Variants in UBA7 observed in about 807,000 individuals in gnomAD.
UBA7 encodes ubiquitin-like modifier-activating enzyme 7.
In UBA7, 88 loss-of-function variants were observed where a neutral mutation model predicts 113.0. The ratio of observed to expected loss-of-function variants is 0.78; its 90% CI spans 0.66 to 0.93. UBA7 has a LOEUF of 0.93. Ranked by LOEUF, UBA7 falls within the 40% of genes least tolerant of loss-of-function variation. The probability of loss-of-function intolerance (pLI) is 0.00; values close to 1 mark genes in which losing one functional copy is unlikely to be tolerated. For missense variants in UBA7, 1,092 were observed against 1,266.4 expected (o/e 0.86, Z 2.09); for synonymous variants, 459 against 513.0 (o/e 0.89, Z 1.42).
intron 18 of UBA7, 108 bp from the exon 19 acceptor site, chr3:49,808,576 C>T: frequency 8.4e-7 from 1 of 1,189,294 alleles, no homozygotes; most frequent in South Asian, 1.5e-5. Context: ...CTTACTATTC[C>T]CTGATCAAAT....
At chr3:49,806,791 T>G (rs1274949328) in intron 21 of UBA7, among the ~76,000 whole-genome samples, 1 of 151,802 alleles carries the variant, frequency 6.6e-6, no homozygotes, top group Non-Finnish European at 1.5e-5. Context: ...GAAAACACAC[T>G]GGGGTCAAGC....
chr3:49,813,310 C>G lies in UBA7; in HGVS notation c.299G>C (p.Arg100Thr). 1.2e-6 allele frequency: 2 copies of G among 1,614,206 alleles called. No homozygotes were observed. Among genetic ancestry groups the G allele is most frequent in the Non-Finnish European group, 1.7e-6 (2 of 1,180,036 alleles). The change falls in exon 3 of 24, where the codon AGA (arginine) becomes ACA (threonine). Residue 100 changes from arginine to threonine, a missense_variant. Coordinates refer to ENST00000333486, the MANE Select transcript of UBA7 (RefSeq NM_003335.3). Reference protein sequence around the residue: ...ASQELLAQLNRAVQVVVHTGD... With the variant: ...ASQELLAQLNTAVQVVVHTGD... ...CGTGTGCACGACGACCTGGACAGCTCTGTTGAGCTGAGCCAAGAGCTCTTG... is the reference window on the plus strand; with the variant it reads ...CGTGTGCACGACGACCTGGACAGCTGTGTTGAGCTGAGCCAAGAGCTCTTG...
At position 49,807,773 on chromosome 3, in the gene UBA7, AG is replaced by A. The variant is rs1305108994; in HGVS notation, c.2677del (p.Leu893SerfsTer17). The A allele has an allele frequency of 6.2e-7, 1 of 1,613,434 alleles. No individual in the cohort carries two copies. Among genetic ancestry groups the A allele is most frequent in the Middle Eastern group, 1.6e-4 (1 of 6,062 alleles). On this transcript the variant is annotated frameshift_variant, in exon 21 of 24. Transcript: ENST00000333486. LOFTEE classifies it high-confidence loss of function. The surrounding 1 kb of genome is among the most constrained non-coding windows in gnomAD (Gnocchi z 4.0). ...HSYLHLAENYLIRYMPFAPAI... is the reference protein window; with the variant it reads ...HSYLHLAENYXIRYMPFAPAI... ...TGGGGCAAAAGGCATATAGCGGATG[AG>A]GTAGTTTTCAGCCAGATGTAGGTAG...
At chr3:49,805,584 A>G (rs1232602630) in intron 23 of UBA7, 147 bp from the exon 24 acceptor site, 1 of 766,872 alleles carries the variant, frequency 1.3e-6, no homozygotes, top group Non-Finnish European at 2.1e-6. Flanking sequence ...ATCTGAAACT[A>G]TTTTAGGAGC....
Position 49,807,896 on chromosome 3 carries a change from G to A in UBA7, c.2555C>T (p.Ala852Val), listed in dbSNP as rs1343478614. ...CACAGCTGCTGTAGTGGTGGCAATG[G>A]CTGGGATAATCTGGCCCACAATTCG... ...SKRIVGQIIPAIATTTAAVAG... is the reference protein window; with the variant it reads ...SKRIVGQIIPVIATTTAAVAG... The change falls in exon 21 of 24, where the codon GCC becomes GTC. Residue 852 changes from alanine (A) to valine (V), a missense_variant. Physicochemically the swap from Ala to Val is moderately conservative, Grantham distance 64 (BLOSUM62 0). Coordinates refer to ENST00000333486, the MANE Select transcript of UBA7 (RefSeq NM_003335.3). The surrounding 1 kb of genome is among the most constrained non-coding windows in gnomAD (Gnocchi z 4.0). The A allele has an allele frequency of 6.2e-7, 1 of 1,612,802 alleles. No individual in the cohort carries two copies. Among genetic ancestry groups the A allele is most frequent in the East Asian group, 2.2e-5 (1 of 44,834 alleles).
chr3:49,813,203 A>G (rs1319216193), intron 3 of UBA7, 35 bp from the exon 4 acceptor site: 10 of 1,613,408 alleles, frequency 6.2e-6, no homozygotes, highest in African/African-American at 4.0e-5. Context: ...GGCCAAAACC[A>G]TTGCCCAGCC....
Position 49,810,441 on chromosome 3 carries a change from C to T in UBA7, c.1468-13G>A. 1 of 1,613,930 alleles carries T rather than the reference C, an allele frequency of 6.2e-7. No individual in the cohort carries two copies. Among genetic ancestry groups the T allele is most frequent in the Non-Finnish European group, 8.5e-7 (1 of 1,179,920 alleles). On this transcript the variant is annotated splice_polypyrimidine_tract_variant and intron_variant, in intron 12 of 23. Coordinates refer to ENST00000333486, the MANE Select transcript of UBA7 (RefSeq NM_003335.3). This position sits in a 1 kb window ranked among gnomAD's most constrained non-coding sequence, Gnocchi z 5.6. ...CTGCCTTGGGTCTCTGGGAAGAAGG[C>T]AGGAAGATGTTGGGTGGGAAGCTGT...
Position 49,813,596 on chromosome 3 carries a change from C to G in UBA7, c.108G>C (p.Leu36=). 1 of 1,614,196 alleles carries G rather than the reference C, an allele frequency of 6.2e-7. No homozygotes were observed. Among genetic ancestry groups the G allele is most frequent in the South Asian group, 1.1e-5 (1 of 91,088 alleles). Residue 36 remains leucine, a synonymous_variant, in exon 2 of 24, where the codon CTG becomes CTC. Coordinates refer to ENST00000333486, the MANE Select transcript of UBA7 (RefSeq NM_003335.3). ...CCCCCAGGCCCTGCAGGCCTGACAC[C>G]AGGACCCTGGCTCCCTGAATCCTCT... is the stretch of plus-strand genomic sequence containing the variant. ...AMQRIQGARV[L]VSGLQGLGAE...
rs774994589 is a variant in UBA7, at chr3:49,808,418, C to T, written c.2398G>A (p.Gly800Ser). The T allele has an allele frequency of 5.0e-6, 8 of 1,614,178 alleles. No individual in the cohort carries two copies. Among genetic ancestry groups the T allele is most frequent in the Non-Finnish European group, 5.1e-6 (6 of 1,180,020 alleles). ...LNKALEVWSV[G>S]PPLKPLMFEK... ...AACATCAGAGGCTTCAGGGGAGGGC[C>T]CACACTCCAGACTTCCAGGGCTTTG... Residue 800 changes from glycine (G) to serine (S), a missense_variant, in exon 19 of 24, where the codon GGC becomes AGC. By Grantham distance (56) the Gly-to-Ser change is moderately conservative. Transcript: ENST00000333486.
At position 49,811,959 on chromosome 3, in the gene UBA7, C is replaced by A. The variant is rs768714960; in HGVS notation, c.850G>T (p.Val284Phe). 7 of 1,614,214 alleles carry A rather than the reference C, an allele frequency of 4.3e-6. No individual in the cohort carries two copies. The highest frequency in any genetic ancestry group is 5.1e-6 in the Non-Finnish European group (6 of 1,180,040). ...PHVVAQSSQEVHHAHCLHQAF... is the reference protein window; with the variant it reads ...PHVVAQSSQEFHHAHCLHQAF... ...TGATGCAGGCAGTGGGCATGGTGAA[C>A]TTCCTGGGAGCTCTGGGCCACCACA... Residue 284 changes from valine (V) to phenylalanine (F), a missense_variant, in exon 8 of 24, where the codon GTT (valine) becomes TTT (phenylalanine). Physicochemically the swap from Val to Phe is conservative, Grantham distance 50. Coordinates refer to ENST00000333486, the MANE Select transcript of UBA7 (RefSeq NM_003335.3).
chr3:49,809,693 G>A lies in UBA7; in HGVS notation c.1937C>T (p.Pro646Leu), dbSNP rs2108300398. ...AHTSLADMDE[P>L]QTLTLLKPVL... is the part of the protein sequence containing the mutation. ...TGGCTTCAGTAAGGTGAGTGTCTGT[G>A]GCTCATCCATGTCTGCCAGGGAAGT... Residue 646 changes from proline (P) to leucine (L), a missense_variant, in exon 16 of 24, where the codon CCA becomes CTA. By Grantham distance (98) the Pro-to-Leu change is moderately conservative. This residue lies in a region of UBA7 where 500 missense variants were observed against 529.3 expected (regional missense o/e 0.94). Coordinates refer to ENST00000333486, the MANE Select transcript of UBA7 (RefSeq NM_003335.3). 6.2e-7 allele frequency: 1 copy of A among 1,614,106 alleles called. No homozygotes were observed. The highest frequency in any genetic ancestry group is 1.3e-5 in the African/African-American group (1 of 75,052).
At chr3:49,812,981 T>C in intron 4 of UBA7, 81 bp downstream of exon 4, 1 of 1,508,588 alleles carries the variant, frequency 6.6e-7, no homozygotes, top group Non-Finnish European at 9.0e-7. Context: ...GGAGGGGCAC[T>C]GGAGCAAGCC....
Position 49,812,492 on chromosome 3 carries a change from G to A in UBA7, c.610C>T (p.Arg204Cys), listed in dbSNP as rs772727259. Residue 204 changes from arginine to cysteine, a missense_variant, in exon 6 of 24, where the codon CGT becomes TGT. Physicochemically the swap from Arg to Cys is radical, Grantham distance 180. Transcript: ENST00000333486. ...GAGAAAGTCACCAAGTCTCCATCAC[G>A]GAAGTAGTGGGTATTGGCCCCTTTC... ...LRKGANTHYF[R>C]DGDLVTFSGI... 2.1e-5 allele frequency: 34 copies of A among 1,614,082 alleles called. No individual in the cohort carries two copies. The highest frequency in any genetic ancestry group is 3.3e-5 in the Admixed American group (2 of 60,004).
intron 7 of UBA7, 22 bp from the exon 8 acceptor site, chr3:49,812,038 G>A: frequency 3.1e-6 from 5 of 1,614,178 alleles, no homozygotes; most frequent in Non-Finnish European, 4.2e-6. Flanking sequence ...CCTGGCTCAG[G>A]GTCTAGTCCA....
rs900938881 is a variant in UBA7 at position 49,810,616 on chromosome 3, C to G, written c.1368G>C (p.Leu456=). 1.9e-6 allele frequency: 3 copies of G among 1,614,048 alleles called. No homozygotes were observed. Among genetic ancestry groups the G allele is most frequent in the Non-Finnish European group, 2.5e-6 (3 of 1,180,024 alleles). The change falls in exon 12 of 24, where the codon CTG becomes CTC. Residue 456 remains leucine (L), a synonymous_variant. Transcript: ENST00000333486. This position sits in a 1 kb window ranked among gnomAD's most constrained non-coding sequence, Gnocchi z 5.6. ...ELLKVFALVG[L]GAGNSGGLTV... Reference sequence around the variant, plus strand: ...TCAAGCCCCCGCTGTTCCCGGCCCCCAGTCCCACTAGGGCAAAGACTTTGA... The same window carrying G: ...TCAAGCCCCCGCTGTTCCCGGCCCCGAGTCCCACTAGGGCAAAGACTTTGA...
intron 8 of UBA7, 124 bp downstream of exon 8, chr3:49,811,746 T>C: frequency 1.3e-6 from 2 of 1,498,458 alleles, no homozygotes; most frequent in African/African-American, 2.8e-5. Context: ...GGAACCAGTC[T>C]CTACTCTAAA....
At position 49,811,851 on chromosome 3, in the gene UBA7, G is replaced by A. The variant is rs747180559; in HGVS notation, c.939+19C>T. 3.7e-6 allele frequency: 6 copies of A among 1,611,130 alleles called. No individual in the cohort carries two copies. The East Asian group carries it at 1.1e-4, about 30-fold the overall frequency. On this transcript the variant is annotated intron_variant, in intron 8 of 23. Coordinates refer to ENST00000333486, the MANE Select transcript of UBA7 (RefSeq NM_003335.3). ...AATAAATGACAGAGGCTGGGGGTGG[G>A]AGCAACAGGACTACTCACAGGATCC...
chr3:49,810,004 G>A lies in UBA7; in HGVS notation c.1813C>T (p.Pro605Ser). 2 of 1,613,832 alleles carry A rather than the reference G, an allele frequency of 1.2e-6. No homozygotes were observed. The highest frequency in any genetic ancestry group is 1.7e-6 in the Non-Finnish European group (2 of 1,179,924). Residue 605 changes from proline (P) to serine (S), a missense_variant, in exon 14 of 24, where the codon CCT becomes TCT. Transcript: ENST00000333486. The surrounding 1 kb of genome is among the most constrained non-coding windows in gnomAD (Gnocchi z 5.6). The stretch of plus-strand genomic sequence containing the variant: ...TGCAGGGTGTGCTCGGCTGTGCTAG[G>A]GAAGTACCGCACGGTACAGACAGGG... ...PYPVCTVRYFPSTAEHTLQWA... is the reference protein window; with the variant it reads ...PYPVCTVRYFSSTAEHTLQWA...
chr3:49,810,839 G>A lies in UBA7; in HGVS notation c.1231-7C>T. The A allele has an allele frequency of 6.2e-7, 1 of 1,614,128 alleles. No individual in the cohort carries two copies. The highest frequency in any genetic ancestry group is 1.7e-5 in the Admixed American group (1 of 60,014). On this transcript the variant is annotated splice_region_variant and splice_polypyrimidine_tract_variant and intron_variant, in intron 10 of 23. Coordinates refer to ENST00000333486, the MANE Select transcript of UBA7 (RefSeq NM_003335.3). The surrounding 1 kb of genome is among the most constrained non-coding windows in gnomAD (Gnocchi z 5.6). ...CATCATAGCGGCTGCCTCTCTAGGGGACAGAGACGGGGTCAGTGATGGCTA... is the reference window on the plus strand; with the variant it reads ...CATCATAGCGGCTGCCTCTCTAGGGAACAGAGACGGGGTCAGTGATGGCTA...
Sources: allele counts gnomAD v4.1 joint callset (sites outside exome capture counted in the v4.1 genomes callset), GRCh38; gene constraint gnomAD v4.1.1; regional missense constraint gnomAD v4.1.1; non-coding constraint Gnocchi (gnomAD v3.1); transcripts MANE v1.5; gene names NCBI Gene and HGNC (gene_info 2026-07-23, HGNC 2026-07-21).